The following RNF220 variants were observed in gnomAD, a reference collection of about 807,000 sequenced individuals.
The protein encoded by RNF220 is E3 ubiquitin-protein ligase RNF220.
A neutral mutation model predicts 67.1 loss-of-function variants in RNF220; 7 were observed. The ratio of observed to expected loss-of-function variants is 0.10; its 90% CI spans 0.06 to 0.20. The LOEUF (loss-of-function observed/expected upper bound fraction) is 0.20, where lower values mean the gene tolerates loss of function less well. Among genes scored for constraint, RNF220 ranks in the 10% least tolerant of loss-of-function variants. The pLI, the probability that RNF220 is intolerant of heterozygous loss-of-function variation, is 1.00. For missense variants in RNF220, 565 were observed against 740.3 expected (o/e 0.76, Z 2.75); for synonymous variants, 270 against 283.2 (o/e 0.95, Z 0.47).
intron 2 of RNF220, among the ~76,000 whole-genome samples, chr1:44,554,292 G>C (rs895312114): frequency 3.9e-5 from 6 of 152,082 alleles, no homozygotes; most frequent in African/African-American, 1.4e-4. Context: ...CCAGAATTTG[G>C]GAGCTGGCAG....
At chr1:44,523,378 C>T (rs1308227797) in intron 2 of RNF220, among the ~76,000 whole-genome samples, 3 of 152,230 alleles carry the variant, frequency 2.0e-5, no homozygotes, top group Admixed American at 6.5e-5. Context: ...CTTTCACCTC[C>T]TCTTTGCCTA....
intron 2 of RNF220, among the ~76,000 whole-genome samples, chr1:44,513,390 ATCTT>A (rs373197721): frequency 3.3e-4 from 51 of 152,274 alleles, no homozygotes; most frequent in Non-Finnish European, 6.5e-4. Context: ...CACTTAAACA[ATCTT>A]TCTTTCTCCT....
chr1:44,450,583 T>G (rs1050120143), intron 2 of RNF220, among the ~76,000 whole-genome samples: 2 of 152,216 alleles, frequency 1.3e-5, no homozygotes, highest in African/African-American at 4.8e-5. Context: ...TAAACGTGCT[T>G]CTTCCTTTTT....
At chr1:44,431,820 T>A (rs1650415448) in intron 2 of RNF220, among the ~76,000 whole-genome samples, 1 of 152,206 alleles carries the variant, frequency 6.6e-6, no homozygotes, top group Non-Finnish European at 1.5e-5. Context: ...CAATATGATA[T>A]GTGCTCATTG....
At position 44,651,235 on chromosome 1, in the gene RNF220, CTTCT is replaced by C. The variant is rs1005618889; in HGVS notation, c.*463_*466del. 10 of 185,904 alleles carry C rather than the reference CTTCT, an allele frequency of 5.4e-5. No homozygotes were observed. Among genetic ancestry groups the C allele is most frequent in the African/African-American group, 2.3e-4 (10 of 43,300 alleles). 11.5% of individuals were successfully genotyped at this position (185,904 alleles called of 1,614,324 possible). A position where few individuals can be genotyped will look rare whatever the true frequency, so the allele number is the denominator to read the frequency against. Reference sequence around the variant, plus strand: ...CCTCCCCCTTTGGTTGTATGATTTTCTTCTTTTTTAAGAACCCCTGGAAGCAGCG... The same window carrying C: ...CCTCCCCCTTTGGTTGTATGATTTTCTTTTTAAGAACCCCTGGAAGCAGCG... On this transcript the variant is annotated 3_prime_UTR_variant, in exon 15 of 15. Transcript: ENST00000361799.
intron 2 of RNF220, among the ~76,000 whole-genome samples, chr1:44,494,485 A>G (rs1018451657): frequency 3.3e-5 from 5 of 152,086 alleles, no homozygotes; most frequent in African/African-American, 7.2e-5. Flanking sequence ...AAAAAATCAT[A>G]ATTTTTTTGC....
intron 2 of RNF220, among the ~76,000 whole-genome samples, chr1:44,463,512 C>T (rs1261282606): frequency 2.0e-5 from 3 of 151,212 alleles, no homozygotes; most frequent in Admixed American, 2.0e-4. Context: ...ACTTTTGAAC[C>T]TAATTTTATA....
chr1:44,438,961 T>C (rs1433098302), intron 2 of RNF220, among the ~76,000 whole-genome samples: 1 of 152,240 alleles, frequency 6.6e-6, no homozygotes, highest in East Asian at 1.9e-4. Flanking sequence ...CTTAAAAGCT[T>C]AGTATTCCAT....
chr1:44,458,776 A>G (rs566947718), intron 2 of RNF220, among the ~76,000 whole-genome samples: 1 of 152,354 alleles, frequency 6.6e-6, no homozygotes, highest in Admixed American at 6.5e-5. Flanking sequence ...TGGAACAATC[A>G]CAGTGACTTA....
chr1:44,499,632 G>A (rs374730356), intron 2 of RNF220, among the ~76,000 whole-genome samples: 6 of 151,872 alleles, frequency 4.0e-5, no homozygotes, highest in African/African-American at 7.3e-5. Context: ...TCCTTTATCC[G>A]CACTACCTTC....
intron 2 of RNF220, among the ~76,000 whole-genome samples, chr1:44,564,164 C>T (rs1663802187): frequency 6.6e-6 from 1 of 152,160 alleles, no homozygotes; most frequent in Non-Finnish European, 1.5e-5. Flanking sequence ...AGAGTGGTAA[C>T]TGTTAAAAAT....
intron 2 of RNF220, among the ~76,000 whole-genome samples, chr1:44,589,547 G>C (rs1386262008): frequency 1.4e-5 from 2 of 141,444 alleles, no homozygotes; most frequent in East Asian, 1.9e-4. Flanking sequence ...CCAGGAGGAG[G>C]AGCTTGCAGT....
At chr1:44,482,434 G>C (rs1427972192) in intron 2 of RNF220, among the ~76,000 whole-genome samples, 1 of 152,078 alleles carries the variant, frequency 6.6e-6, no homozygotes, top group Non-Finnish European at 1.5e-5. Context: ...TCACCTTTTA[G>C]ATACTGCATA....
chr1:44,486,562 C>A (rs1364375115), intron 2 of RNF220, among the ~76,000 whole-genome samples: 1 of 152,140 alleles, frequency 6.6e-6, no homozygotes, highest in East Asian at 1.9e-4. Flanking sequence ...ATAAATCAGG[C>A]TGGTTTTTTA....
At chr1:44,492,944 G>A (rs923769327) in intron 2 of RNF220, among the ~76,000 whole-genome samples, 8 of 151,228 alleles carry the variant, frequency 5.3e-5, no homozygotes, top group African/African-American at 1.9e-4. Flanking sequence ...TTTATATATG[G>A]ATGAGGTCTC....
chr1:44,557,302 A>G (rs977611767), intron 2 of RNF220, among the ~76,000 whole-genome samples: 1 of 150,948 alleles, frequency 6.6e-6, no homozygotes, highest in Non-Finnish European at 1.5e-5. Context: ...GGGAGCATCG[A>G]TTGAGCCTAG....
At chr1:44,545,707 C>T (rs537787695) in intron 2 of RNF220, among the ~76,000 whole-genome samples, 1 of 151,938 alleles carries the variant, frequency 6.6e-6, no homozygotes, top group South Asian at 2.1e-4. Context: ...TGGGTGAGAC[C>T]TCTGAGCCTC....
At chr1:44,563,289 T>C (rs369448434) in intron 2 of RNF220, among the ~76,000 whole-genome samples, 1 of 150,496 alleles carries the variant, frequency 6.6e-6, no homozygotes, top group South Asian at 2.1e-4. Context: ...TGGTCTGAGC[T>C]GATGCTGAGG....
At chr1:44,481,161 G>A (rs1410064671) in intron 2 of RNF220, among the ~76,000 whole-genome samples, 4 of 152,164 alleles carry the variant, frequency 2.6e-5, no homozygotes, top group Non-Finnish European at 5.9e-5. Context: ...GGTGGCATAC[G>A]CCTGTAATCC....
Sources: gnomAD v4.1 joint callset for allele counts (sites outside exome capture counted in the v4.1 genomes callset) on GRCh38, gnomAD v4.1.1 for gene constraint, MANE v1.5 for transcripts, NCBI Gene and HGNC (gene_info 2026-07-23, HGNC 2026-07-21) for gene names.